The following DOK6 variants were observed in gnomAD, a reference collection of about 807,000 sequenced individuals.
DOK6 encodes docking protein 6, also known as downstream of tyrosine kinase 6.
DOK6 carries 22 observed loss-of-function variants against 44.0 expected under a neutral mutation model. The observed-to-expected ratio is 0.50, with a 90% CI of 0.36 to 0.71. The LOEUF (loss-of-function observed/expected upper bound fraction) is 0.71, where lower values mean the gene tolerates loss of function less well. Among genes scored for constraint, DOK6 ranks in the 30% least tolerant of loss-of-function variants. The pLI is 0.00. For missense variants in DOK6, 340 were observed against 416.4 expected (o/e 0.82, Z 1.60); for synonymous variants, 166 against 145.5 (o/e 1.14, Z -1.01).
chr18:69,598,225 A>G (rs568058269), intron 2 of DOK6, among the ~76,000 whole-genome samples: 2 of 151,754 alleles, frequency 1.3e-5, no homozygotes, highest in South Asian at 4.1e-4. Context: ...TTACTTAAAT[A>G]TTGATTATAT....
At chr18:69,618,160 G>A (rs925846764) in intron 3 of DOK6, among the ~76,000 whole-genome samples, 2 of 152,128 alleles carry the variant, frequency 1.3e-5, no homozygotes, top group Non-Finnish European at 2.9e-5. Context: ...TCCAGAAGAA[G>A]CCAACCATGC....
intron 1 of DOK6, among the ~76,000 whole-genome samples, chr18:69,455,125 G>A (rs772129134): frequency 3.7e-5 from 5 of 136,074 alleles, no homozygotes; most frequent in East Asian, 2.1e-4. Context: ...TTTAGAATTC[G>A]CCTTTAGGTA....
chr18:69,708,562 G>T lies in DOK6; in HGVS notation c.599+9969G>T, dbSNP rs1329886361. On this transcript the variant is annotated intron_variant, in intron 5 of 7. Coordinates refer to ENST00000382713, the MANE Select transcript of DOK6 (RefSeq NM_152721.6). ...AGCTCTTTGGGAGGCCGAGGCAGGG[G>T]GATCATGATGTCAGGAGTTCGAGAC... Among the ~76,000 whole-genome samples, 4 of 152,124 alleles carry T rather than the reference G, an allele frequency of 2.6e-5. 1 individual carries two copies. The highest frequency in any genetic ancestry group is 4.1e-4 in the South Asian group (2 of 4,824).
At chr18:69,732,524 A>G (rs886611944) in intron 5 of DOK6, among the ~76,000 whole-genome samples, 8 of 152,348 alleles carry the variant, frequency 5.3e-5, no homozygotes, top group African/African-American at 1.9e-4. Context: ...TCAAAGATTT[A>G]CTAAAGCCAA....
chr18:69,566,870 G>A (rs1388626408), intron 2 of DOK6, among the ~76,000 whole-genome samples: 1 of 152,152 alleles, frequency 6.6e-6, no homozygotes, highest in African/African-American at 2.4e-5. Context: ...AAGAGAAAGG[G>A]TCATCTCTAG....
At chr18:69,594,349 T>G (rs920041880) in intron 2 of DOK6, among the ~76,000 whole-genome samples, 1 of 152,020 alleles carries the variant, frequency 6.6e-6, no homozygotes, top group African/African-American at 2.4e-5. Flanking sequence ...TATTTTTATA[T>G]ATAAGCAAAC....
rs554246484 is a variant in DOK6, at chr18:69,583,974, G to A, written c.175-15410G>A. Among the ~76,000 whole-genome samples the A allele has an allele frequency of 4.6e-5, 7 of 151,754 alleles. 1 individual carries two copies. In the South Asian group the frequency reaches 1.5e-3, roughly 32 times the overall value. On this transcript the variant is annotated intron_variant, in intron 2 of 7. Transcript: ENST00000382713. The stretch of plus-strand genomic sequence containing the variant: ...ATACAAAAAATTAGCCAGGCGTGGT[G>A]GCGGGCGCCTGTAGTCCCAGCTACT...
At chr18:69,658,763 T>G (rs894726964) in intron 3 of DOK6, among the ~76,000 whole-genome samples, 2 of 152,216 alleles carry the variant, frequency 1.3e-5, no homozygotes, top group Non-Finnish European at 2.9e-5. Context: ...TGCTTTATTT[T>G]TGCATATATA....
intron 3 of DOK6, among the ~76,000 whole-genome samples, chr18:69,614,610 G>A (rs1984241430): frequency 6.7e-6 from 1 of 149,308 alleles, no homozygotes; most frequent in Non-Finnish European, 1.5e-5. Flanking sequence ...TTAGCAAATA[G>A]ATGCTATCAC....
At chr18:69,471,417 T>C (rs1980103495) in intron 1 of DOK6, among the ~76,000 whole-genome samples, 2 of 151,472 alleles carry the variant, frequency 1.3e-5, no homozygotes, top group Non-Finnish European at 1.5e-5. Context: ...GAGGTGAATA[T>C]GGTGGGTAGA....
chr18:69,740,171 T>A (rs1478328978), intron 6 of DOK6, among the ~76,000 whole-genome samples: 3 of 152,128 alleles, frequency 2.0e-5, no homozygotes, highest in Non-Finnish European at 4.4e-5. Context: ...AGCTTCAGCA[T>A]TTGTAGGATG....
At chr18:69,604,899 G>C (rs1048011803) in intron 3 of DOK6, among the ~76,000 whole-genome samples, 8 of 152,106 alleles carry the variant, frequency 5.3e-5, no homozygotes, top group Non-Finnish European at 7.3e-5. Context: ...GAGGGTACAG[G>C]TGCAGTTTTG....
chr18:69,772,017 A>T (rs1355810484), intron 7 of DOK6, among the ~76,000 whole-genome samples: 4 of 151,658 alleles, frequency 2.6e-5, no homozygotes, highest in Non-Finnish European at 5.9e-5. Flanking sequence ...GTAAAAAAAA[A>T]AAAAAAAAAA....
intron 5 of DOK6, among the ~76,000 whole-genome samples, chr18:69,718,774 A>C (rs1200258079): frequency 6.6e-6 from 1 of 152,114 alleles, no homozygotes; most frequent in Non-Finnish European, 1.5e-5. Flanking sequence ...AATATGTTGG[A>C]TCTCTATTTG....
intron 1 of DOK6, among the ~76,000 whole-genome samples, chr18:69,459,850 C>A (rs1979739164): frequency 6.6e-6 from 1 of 152,102 alleles, no homozygotes; most frequent in Non-Finnish European, 1.5e-5. Flanking sequence ...TGCTAAATAA[C>A]CCAACCCAAT....
At chr18:69,652,330 C>T (rs4349250) in intron 3 of DOK6, among the ~76,000 whole-genome samples, 31,162 of 152,084 alleles carry the variant, frequency 0.2, 3,305 homozygotes, top group Non-Finnish European at 0.22. Flanking sequence ...GTTTTAACTC[C>T]TGGTTTTAAA....
In DOK6 at chr18:69,843,600, G is replaced by A. The variant is rs1163906200; in HGVS notation, c.*2217G>A. 6.6e-6 allele frequency: 1 copy of A among 152,242 alleles called. No homozygotes were observed. Among genetic ancestry groups the A allele is most frequent in the Non-Finnish European group, 1.5e-5 (1 of 68,042 alleles). The allele number at this position is 152,242 out of a possible 1,614,324, so 9.4% of individuals were successfully genotyped here. A position where few individuals can be genotyped will look rare whatever the true frequency, so the allele number is the denominator to read the frequency against. On this transcript the variant is annotated 3_prime_UTR_variant, in exon 8 of 8. Coordinates refer to ENST00000382713, the MANE Select transcript of DOK6 (RefSeq NM_152721.6). ...GTCCAGGGAGGGATTCTGCTAATCA[G>A]ATGAGTCTGCTCTTGTGTCTCTTTC...
At chr18:69,424,843 G>A (rs536327102) in intron 1 of DOK6, among the ~76,000 whole-genome samples, 6 of 152,098 alleles carry the variant, frequency 3.9e-5, no homozygotes, top group Non-Finnish European at 8.8e-5. Context: ...TCTTGTGCAT[G>A]AGCTTGTTAA....
At chr18:69,527,007 G>C (rs968674833) in intron 1 of DOK6, among the ~76,000 whole-genome samples, 2 of 152,102 alleles carry the variant, frequency 1.3e-5, no homozygotes, top group African/African-American at 4.8e-5. Flanking sequence ...AAGAACAATG[G>C]GAAATCCACC....
Sources: gnomAD v4.1 joint callset for allele counts (sites outside exome capture counted in the v4.1 genomes callset) on GRCh38, gnomAD v4.1.1 for gene constraint, MANE v1.5 for transcripts, NCBI Gene and HGNC (gene_info 2026-07-23, HGNC 2026-07-21) for gene names.